SCRG1: variants seen among roughly 807,000 people sequenced by gnomAD.
SCRG1 encodes the protein scrapie-responsive protein 1.
In SCRG1, 3 loss-of-function variants were observed where a neutral mutation model predicts 7.7. The ratio of observed to expected loss-of-function variants is 0.39; its 90% CI spans 0.18 to 1.01. SCRG1 has a LOEUF of 1.01. SCRG1 is among the 50% of genes least tolerant of loss of function. The pLI is 0.36. For missense variants in SCRG1, 110 were observed against 117.2 expected, an observed-to-expected ratio of 0.94 and a Z score of 0.28; for synonymous variants, 46 against 41.2, an observed-to-expected ratio of 1.12 and a Z score of -0.44.
the SCRG1 span, among the ~76,000 whole-genome samples, chr4:173,502,187 A>G: frequency 6.8e-6 from 1 of 148,108 alleles, no homozygotes; most frequent in Admixed American, 6.7e-5. This position sits in a 1 kb window ranked among gnomAD's most constrained non-coding sequence, Gnocchi z 4.6. Context: ...CCTCTTCAGG[A>G]AGAGATTTGG....
chr4:173,391,271 C>T lies in SCRG1; in HGVS notation c.144G>A (p.Leu48=). 6.2e-7 allele frequency: 1 copy of T among 1,614,202 alleles called. No individual in the cohort carries two copies. Among genetic ancestry groups the T allele is most frequent in the African/African-American group, 1.3e-5 (1 of 75,060 alleles). ...CCTGGACATTGACATCAATCTGTGT[C>T]AGGTCAGCTACTCCTTCCGGAAGGT... The part of the protein sequence containing the change: ...CHNLPEGVAD[L]TQIDVNVQDH... The change falls in exon 2 of 3, where the codon CTG becomes CTA. Residue 48 remains leucine (L), a synonymous_variant. Transcript: ENST00000296506.
At chr4:173,409,543 C>CT (rs1020435561), upstream of SCRG1, among the ~76,000 whole-genome samples, 1 of 151,202 alleles carries the variant, frequency 6.6e-6, no homozygotes, top group African/African-American at 2.4e-5. Flanking sequence ...GCAAGATAGA[C>CT]TAAGATATGA....
chr4:173,499,884 AC>A, the SCRG1 span, among the ~76,000 whole-genome samples: 2 of 152,240 alleles, frequency 1.3e-5, no homozygotes, highest in Non-Finnish European at 2.9e-5. This position sits in a 1 kb window ranked among gnomAD's most constrained non-coding sequence, Gnocchi z 4.1. Flanking sequence ...TTCAGAGACT[AC>A]CATATGTGCT....
chr4:173,460,058 C>T, the SCRG1 span, among the ~76,000 whole-genome samples: 6 of 152,152 alleles, frequency 3.9e-5, no homozygotes, highest in Admixed American at 2.6e-4. Context: ...CGCTGCCCCG[C>T]CACCGCCCTG....
chr4:173,483,831 A>AAT, the SCRG1 span, among the ~76,000 whole-genome samples: 14 of 15,468 alleles, frequency 9.1e-4, 1 homozygote, highest in Non-Finnish European at 1.5e-3. Flanking sequence ...TAATATATAT[A>AAT]ATATATAATA....
the SCRG1 span, among the ~76,000 whole-genome samples, chr4:173,500,570 C>T: frequency 3.9e-4 from 60 of 152,158 alleles, no homozygotes; most frequent in African/African-American, 1.3e-3. Context: ...CTGTCGACTT[C>T]CTGGGCTCAG....
the SCRG1 span, among the ~76,000 whole-genome samples, chr4:173,416,474 G>T: frequency 4.6e-5 from 7 of 152,226 alleles, no homozygotes; most frequent in Admixed American, 3.9e-4. Context: ...AAACTCCAGT[G>T]CCAGGCGCGG....
chr4:173,448,304 A>G, the SCRG1 span, among the ~76,000 whole-genome samples: 2 of 152,262 alleles, frequency 1.3e-5, no homozygotes, highest in African/African-American at 4.8e-5. Flanking sequence ...GCTCTTGAGC[A>G]TCTTTGTGCT....
chr4:173,483,511 A>G, the SCRG1 span, among the ~76,000 whole-genome samples: 1 of 91,080 alleles, frequency 1.1e-5, no homozygotes, highest in South Asian at 3.4e-4. Flanking sequence ...ATTCTGATAT[A>G]TAATATATAT....
the SCRG1 span, among the ~76,000 whole-genome samples, chr4:173,512,602 C>A: frequency 1.1e-4 from 17 of 152,322 alleles, no homozygotes; most frequent in South Asian, 3.3e-3. Flanking sequence ...TTTGATTCAA[C>A]TTAACTGCAA....
chr4:173,438,150 G>A, the SCRG1 span, among the ~76,000 whole-genome samples: 6 of 152,170 alleles, frequency 3.9e-5, no homozygotes, highest in South Asian at 2.1e-4. Flanking sequence ...GGTCTCACGC[G>A]TGTTGCACAG....
the SCRG1 span, among the ~76,000 whole-genome samples, chr4:173,509,019 G>C: frequency 6.6e-6 from 1 of 152,226 alleles, no homozygotes; most frequent in South Asian, 2.1e-4. This position sits in a 1 kb window ranked among gnomAD's most constrained non-coding sequence, Gnocchi z 5.7. Flanking sequence ...GAGCAGCCGG[G>C]TGGTGGTACG....
chr4:173,485,899 G>A, the SCRG1 span, among the ~76,000 whole-genome samples: 20 of 152,254 alleles, frequency 1.3e-4, no homozygotes, highest in East Asian at 1.9e-4. Flanking sequence ...GAACTTGGGA[G>A]GTGGAGGTTG....
At chr4:173,444,875 C>T in the SCRG1 span, among the ~76,000 whole-genome samples, 12,323 of 152,100 alleles carry the variant, frequency 0.081, 594 homozygotes, top group Non-Finnish European at 0.097. Context: ...CCCACTCTGT[C>T]CTGGTCTCCA....
In SCRG1 at chr4:173,391,426, G is replaced by A. The variant is rs1397390666; in HGVS notation, c.-12C>T. Reference sequence around the variant, plus strand: ...ACCATCAGTTTCATTTTGGCTTTTGGCCCTGAAATAGAAGAAAGACCAAAA... The same window carrying A: ...ACCATCAGTTTCATTTTGGCTTTTGACCCTGAAATAGAAGAAAGACCAAAA... On this transcript the variant is annotated splice_region_variant and 5_prime_UTR_variant, in exon 2 of 3. Transcript: ENST00000296506. The A allele has an allele frequency of 3.1e-6, 5 of 1,613,526 alleles. No individual in the cohort carries two copies. In the African/African-American group the frequency reaches 6.7e-5, roughly 22 times the overall value.
the SCRG1 span, among the ~76,000 whole-genome samples, chr4:173,424,897 T>TTAAAATAAAATAAAA: frequency 0.061 from 7,993 of 130,828 alleles, 399 homozygotes; most frequent in African/African-American, 0.11. Flanking sequence ...AGACTCCATC[T>TTAAAATAAAATAAAA]TAAAATAAAA....
the SCRG1 span, among the ~76,000 whole-genome samples, chr4:173,483,547 A>ATT: frequency 2.5e-5 from 1 of 40,046 alleles, no homozygotes; most frequent in African/African-American, 6.9e-5. Flanking sequence ...GATATATAAT[A>ATT]TATATTATAT....
At chr4:173,482,976 A>G in the SCRG1 span, among the ~76,000 whole-genome samples, 1 of 132,648 alleles carries the variant, frequency 7.5e-6, no homozygotes, top group African/African-American at 2.8e-5. Flanking sequence ...TATATATAAT[A>G]TATAATATAT....
At chr4:173,426,217 C>A in the SCRG1 span, among the ~76,000 whole-genome samples, 1 of 152,222 alleles carries the variant, frequency 6.6e-6, no homozygotes, top group African/African-American at 2.4e-5. Flanking sequence ...TTGGTACTGT[C>A]TGTACTACAT....
Sources: allele counts gnomAD v4.1 joint callset (sites outside exome capture counted in the v4.1 genomes callset), GRCh38; gene constraint gnomAD v4.1.1; non-coding constraint Gnocchi (gnomAD v3.1); transcripts MANE v1.5; gene names NCBI Gene and HGNC (gene_info 2026-07-23, HGNC 2026-07-21).